Variants in PRSS41 observed in about 807,000 individuals in gnomAD.
PRSS41 encodes protease, serine 41.
A neutral mutation model predicts 28.8 loss-of-function variants in PRSS41; 37 were observed. That is an observed-to-expected ratio of 1.29 (90% CI 0.99 to 1.69). The LOEUF (loss-of-function observed/expected upper bound fraction) is 1.69, where lower values mean the gene tolerates loss of function less well. PRSS41 is among the 40% of genes most tolerant of loss of function. The pLI, the probability that PRSS41 is intolerant of heterozygous loss-of-function variation, is 0.00. For missense variants in PRSS41, 431 were observed against 400.7 expected, an observed-to-expected ratio of 1.08 and a Z score of -0.65; for synonymous variants, 195 against 163.1, an observed-to-expected ratio of 1.20 and a Z score of -1.49.
In PRSS41 at chr16:2,799,709, T is replaced by C. The variant is rs886658677; in HGVS notation, c.541+140T>C. Reference sequence around the variant, plus strand: ...CTGCGCCCCTCCTGCTCTCATTCTCTCCTCACTTGCTTTTCTGCTCTCACT... The same window carrying C: ...CTGCGCCCCTCCTGCTCTCATTCTCCCCTCACTTGCTTTTCTGCTCTCACT... On this transcript the variant is annotated intron_variant, in intron 4 of 5. Coordinates refer to ENST00000399677, the Ensembl canonical transcript of PRSS41. The C allele has an allele frequency of 2.5e-5, 22 of 869,976 alleles. No individual in the cohort carries two copies. In the African/African-American group the frequency reaches 3.0e-4, roughly 12 times the overall value. 53.9% of individuals were successfully genotyped at this position (869,976 alleles called of 1,614,324 possible).
exon 1 of PRSS41, chr16:2,798,516 T>A: frequency 1.3e-6 from 2 of 1,485,052 alleles, no homozygotes; most frequent in Non-Finnish European, 1.8e-6. Context: ...CTGCTGGCGC[T>A]GCTGCTGGCT....
chr16:2,804,087 G>A (rs1447033950), intron 4 of PRSS41, among the ~76,000 whole-genome samples: 1 of 152,170 alleles, frequency 6.6e-6, no homozygotes, highest in Admixed American at 6.5e-5. Flanking sequence ...CCTTCTTCCT[G>A]CCATGCTTTG....
intron 1 of PRSS41, 32 bp from the exon 2 acceptor site, chr16:2,798,604 A>T: frequency 6.6e-7 from 1 of 1,522,590 alleles, no homozygotes. Flanking sequence ...CGGGAGGTGG[A>T]GGCCGCGAGG....
chr16:2,798,815 G>A, intron 2 of PRSS41, 144 bp from the exon 3 acceptor site: 1 of 1,183,620 alleles, frequency 8.4e-7, no homozygotes. Context: ...CCCACCACGT[G>A]GGAGGGTCCC....
chr16:2,802,630 G>A (rs1019671007), intron 4 of PRSS41, among the ~76,000 whole-genome samples: 3 of 152,236 alleles, frequency 2.0e-5, no homozygotes, highest in Admixed American at 6.5e-5. Flanking sequence ...CTGCAATCCC[G>A]GCACCTCGGG....
At chr16:2,802,984 T>C (rs1413534403) in intron 4 of PRSS41, among the ~76,000 whole-genome samples, 1 of 152,252 alleles carries the variant, frequency 6.6e-6, no homozygotes, top group East Asian at 1.9e-4. Context: ...TTACTATTTT[T>C]ATGGAAATTT....
At chr16:2,799,550 G>T (rs1326900582) in exon 4 of PRSS41, 1 of 1,551,450 alleles carries the variant, frequency 6.4e-7, no homozygotes, top group Non-Finnish European at 8.7e-7. Context: ...CCGGCTGGGG[G>T]TTAATCAGCC....
chr16:2,799,104 G>A, exon 3 of PRSS41: 4 of 1,526,628 alleles, frequency 2.6e-6, no homozygotes, highest in Middle Eastern at 1.8e-4. Context: ...GGGTGCTCTC[G>A]GCTGCGCACT....
intron 4 of PRSS41, 56 bp from the exon 5 acceptor site, chr16:2,804,333 G>A: frequency 2.0e-6 from 3 of 1,530,998 alleles, no homozygotes; most frequent in East Asian, 2.5e-5. Flanking sequence ...TCCTCTCCCT[G>A]CTCCAGATAG....
intron 4 of PRSS41, among the ~76,000 whole-genome samples, chr16:2,802,622 G>A (rs1246868763): frequency 6.6e-6 from 1 of 152,262 alleles, no homozygotes; most frequent in Non-Finnish European, 1.5e-5. Context: ...GACTCCGTCT[G>A]CAATCCCGGC....
At position 2,801,108 on chromosome 16, in the gene PRSS41, G is replaced by T. The variant is rs376973342; in HGVS notation, c.541+1539G>T. Among the ~76,000 whole-genome samples, 10 of 152,196 alleles carry T rather than the reference G, an allele frequency of 6.6e-5. No homozygotes were observed. In the South Asian group the frequency reaches 2.1e-3, roughly 32 times the overall value. On this transcript the variant is annotated intron_variant, in intron 4 of 5. Transcript: ENST00000399677. ...CCCACCTCGGCCTCCCAAAGTTCGG[G>T]GATTACAGGTGTGAGCCACGGTGCC...
At chr16:2,805,063 G>T (rs1037254448) in exon 6 of PRSS41, 1 of 1,552,668 alleles carries the variant, frequency 6.4e-7, no homozygotes, top group Non-Finnish European at 8.7e-7. Flanking sequence ...GGAGGGTGAT[G>T]TCCCACAGTA....
chr16:2,800,646 G>A (rs1442062662), intron 4 of PRSS41, among the ~76,000 whole-genome samples: 1 of 151,928 alleles, frequency 6.6e-6, no homozygotes, highest in African/African-American at 2.4e-5. Flanking sequence ...GTAAGTGAAC[G>A]AATGGTGAGT....
intron 4 of PRSS41, among the ~76,000 whole-genome samples, chr16:2,801,869 C>T (rs1417177026): frequency 1.4e-4 from 21 of 151,970 alleles, no homozygotes; most frequent in African/African-American, 4.6e-4. Flanking sequence ...ACCTCCCAGA[C>T]GGGGTGGTGG....
At chr16:2,799,346 T>C (rs2068970312) in exon 4 of PRSS41, 1 of 1,551,650 alleles carries the variant, frequency 6.4e-7, no homozygotes, top group African/African-American at 1.4e-5. Flanking sequence ...GGCCAACTCC[T>C]TGGAACCTGC....
rs200162423 is a variant in PRSS41, at chr16:2,799,408, C to T, written c.380C>T (p.Ala127Val). 2.0e-3 allele frequency: 3,095 copies of T among 1,552,134 alleles called. 6 individuals carry two copies. The highest frequency in any genetic ancestry group is 3.8e-3 in the Middle Eastern group (23 of 5,996). Residue 127 changes from alanine (A) to valine (V), a missense_variant, in exon 4 of 6, where the codon GCA becomes GTA. Transcript: ENST00000399677. ...CAGGACATCATTGTGAACCCTGACG[C>T]ACTTGGGGTTTTACGCAATGACATT...
chr16:2,804,459 C>T (rs1199160278), exon 5 of PRSS41: 3 of 1,551,672 alleles, frequency 1.9e-6, no homozygotes, highest in Non-Finnish European at 2.6e-6. Context: ...GGTGTAATTA[C>T]CTGTTTGAAC....
exon 6 of PRSS41, chr16:2,805,039 C>T (rs1447130507): frequency 6.4e-7 from 1 of 1,558,038 alleles, no homozygotes; most frequent in Non-Finnish European, 8.7e-7. Flanking sequence ...TCAGTGTGTA[C>T]TTCCACTGGA....
At chr16:2,798,661 A>G in exon 2 of PRSS41, 2 of 1,475,264 alleles carry the variant, frequency 1.4e-6, no homozygotes, top group Non-Finnish European at 9.0e-7. Flanking sequence ...AGCTGTTGTC[A>G]GGTAGGGCGC....
Sources: allele counts gnomAD v4.1 joint callset (sites outside exome capture counted in the v4.1 genomes callset), GRCh38; gene constraint gnomAD v4.1.1; transcripts MANE v1.5; gene names NCBI Gene and HGNC (gene_info 2026-07-23, HGNC 2026-07-21).